Variants in TENM2 observed in about 807,000 individuals in gnomAD.
TENM2 encodes the protein teneurin-2.
In TENM2, 52 loss-of-function variants were observed where a neutral mutation model predicts 245.2. That is an observed-to-expected ratio of 0.21 (90% CI 0.17 to 0.27). TENM2 has a LOEUF of 0.27. Among genes scored for constraint, TENM2 ranks in the 10% least tolerant of loss-of-function variants. TENM2 has a pLI of 1.00. For synonymous variants in TENM2, 1,363 were observed against 1,438.9 expected, an observed-to-expected ratio of 0.95 and a Z score of 1.19; for missense variants, 3,046 against 3,666.8, an observed-to-expected ratio of 0.83 and a Z score of 4.37.
rs371169541 is a variant in TENM2, at chr5:167,930,436, C to T, written c.713-22152C>T. 8.6e-5 allele frequency among the ~76,000 whole-genome samples: 13 copies of T among 150,726 alleles called. No homozygotes were observed. In the East Asian group the frequency reaches 1.9e-3, roughly 23 times the overall value. ...TGACTTATGGTTTAATTTAAATTAG[C>T]TGAGCTTTTCTTAGAATTTTATTTA... On this transcript the variant is annotated intron_variant, in intron 3 of 28. Coordinates refer to ENST00000518659, the Ensembl canonical transcript of TENM2.
the TENM2 span, among the ~76,000 whole-genome samples, chr5:167,235,491 A>G: frequency 6.6e-6 from 1 of 152,236 alleles, no homozygotes; most frequent in Admixed American, 6.5e-5. Context: ...GAAAAAAAAA[A>G]TTTTTACTCA....
At chr5:167,681,080 A>G (rs1395466953) in intron 2 of TENM2, among the ~76,000 whole-genome samples, 1 of 152,208 alleles carries the variant, frequency 6.6e-6, no homozygotes, top group Admixed American at 6.5e-5. Flanking sequence ...TACGAAGTCA[A>G]CCTTCAAAAT....
At chr5:167,291,538 T>C (rs1040635101) in intron 1 of TENM2, among the ~76,000 whole-genome samples, 4 of 152,214 alleles carry the variant, frequency 2.6e-5, no homozygotes, top group African/African-American at 9.6e-5. Context: ...TTTATATATA[T>C]GGTTGGGGTT....
chr5:168,079,923 A>G (rs1301991607), intron 7 of TENM2, among the ~76,000 whole-genome samples: 1 of 152,220 alleles, frequency 6.6e-6, no homozygotes, highest in African/African-American at 2.4e-5. Flanking sequence ...AGGCTTTGGT[A>G]TCAGGATGAT....
At chr5:167,035,353 T>G in the TENM2 span, among the ~76,000 whole-genome samples, 1 of 152,234 alleles carries the variant, frequency 6.6e-6, no homozygotes, top group Non-Finnish European at 1.5e-5. Context: ...ATTCGAGGAC[T>G]AATATGACCA....
chr5:167,705,746 C>T (rs1345145258), intron 2 of TENM2, among the ~76,000 whole-genome samples: 1 of 151,786 alleles, frequency 6.6e-6, no homozygotes, highest in Non-Finnish European at 1.5e-5. Flanking sequence ...CACTTCCTAC[C>T]CTTTGACAAA....
chr5:167,923,627 G>A (rs1046028644), intron 3 of TENM2, among the ~76,000 whole-genome samples: 1 of 152,122 alleles, frequency 6.6e-6, no homozygotes, highest in African/African-American at 2.4e-5. Context: ...GTAAATGAAT[G>A]CCACATGTAT....
chr5:167,450,694 A>T (rs1765523672), intron 2 of TENM2, among the ~76,000 whole-genome samples: 1 of 152,216 alleles, frequency 6.6e-6, no homozygotes, highest in African/African-American at 2.4e-5. Flanking sequence ...CTAGGGCCCC[A>T]AATGATCTCA....
intron 2 of TENM2, among the ~76,000 whole-genome samples, chr5:167,692,726 C>A (rs1757512660): frequency 6.6e-6 from 1 of 152,182 alleles, no homozygotes; most frequent in Non-Finnish European, 1.5e-5. Flanking sequence ...CAGGTGCCTC[C>A]TTCCCAAGAA....
rs532387210 is a variant in TENM2, at chr5:167,893,956, G to A, written c.712+17761G>A. On this transcript the variant is annotated intron_variant, in intron 3 of 28. Coordinates refer to ENST00000518659, the Ensembl canonical transcript of TENM2. The stretch of plus-strand genomic sequence containing the variant: ...AGTCAGTAATAAAAATACTGCAGTC[G>A]TTTTTCCATCCAAAGATACAGTCCC... 3.9e-5 allele frequency among the ~76,000 whole-genome samples: 6 copies of A among 152,214 alleles called. No homozygotes were observed. The East Asian group carries it at 5.8e-4, about 15-fold the overall frequency.
At chr5:168,224,557 C>G (rs1763979813) in intron 23 of TENM2, among the ~76,000 whole-genome samples, 1 of 152,122 alleles carries the variant, frequency 6.6e-6, no homozygotes, top group Non-Finnish European at 1.5e-5. Context: ...ATCCTAAGCC[C>G]TAAGCGACAA....
intron 3 of TENM2, among the ~76,000 whole-genome samples, chr5:167,935,095 G>C (rs1258365569): frequency 2.0e-5 from 3 of 152,174 alleles, no homozygotes; most frequent in African/African-American, 7.2e-5. Flanking sequence ...CAGAAAGCTA[G>C]ACAGCAATGG....
chr5:167,521,547 G>A (rs1770756886), intron 2 of TENM2, among the ~76,000 whole-genome samples: 1 of 152,180 alleles, frequency 6.6e-6, no homozygotes, highest in South Asian at 2.1e-4. Flanking sequence ...ACTGTGTCTG[G>A]TGGGATCTTG....
At chr5:167,923,593 T>G (rs1185904243) in intron 3 of TENM2, among the ~76,000 whole-genome samples, 1 of 152,094 alleles carries the variant, frequency 6.6e-6, no homozygotes, top group African/African-American at 2.4e-5. Context: ...ACACTTGAGG[T>G]CCTAGTCATG....
At chr5:168,175,784 A>G (rs1286305545) in intron 13 of TENM2, among the ~76,000 whole-genome samples, 1 of 152,218 alleles carries the variant, frequency 6.6e-6, no homozygotes, top group Non-Finnish European at 1.5e-5. Flanking sequence ...GAGAAACAGC[A>G]GTCCCCGGAG....
At chr5:168,199,701 TTTG>T (rs778834772) in intron 16 of TENM2, among the ~76,000 whole-genome samples, 160 bp from the exon 19 acceptor site, 33 of 152,276 alleles carry the variant, frequency 2.2e-4, no homozygotes, top group East Asian at 3.9e-4. Flanking sequence ...AGATAAAGTT[TTTG>T]TTGTTGTTGT....
chr5:167,055,347 C>G, the TENM2 span, among the ~76,000 whole-genome samples: 1 of 152,058 alleles, frequency 6.6e-6, no homozygotes. Context: ...GATCAATTGA[C>G]TGTATGTACA....
intron 2 of TENM2, among the ~76,000 whole-genome samples, chr5:167,580,360 A>T (rs569662255): frequency 6.6e-6 from 1 of 152,192 alleles, no homozygotes; most frequent in African/African-American, 2.4e-5. Context: ...ACATCTTTCT[A>T]TTTACAAATG....
At chr5:168,136,572 T>C (rs1755069934) in intron 12 of TENM2, among the ~76,000 whole-genome samples, 1 of 152,192 alleles carries the variant, frequency 6.6e-6, no homozygotes, top group Non-Finnish European at 1.5e-5. Context: ...ACTCCCCAGC[T>C]TTATCAACGG....
Sources: gnomAD v4.1 joint callset for allele counts (sites outside exome capture counted in the v4.1 genomes callset) on GRCh38, gnomAD v4.1.1 for gene constraint, MANE v1.5 for transcripts, NCBI Gene and HGNC (gene_info 2026-07-23, HGNC 2026-07-21) for gene names.